Variants in GRID2 observed in about 807,000 individuals in gnomAD.
The protein encoded by GRID2 is glutamate receptor ionotropic, delta-2.
Under a neutral mutation model 114.8 loss-of-function variants are expected in GRID2, and 33 were observed. The observed-to-expected ratio is 0.29, with a 90% CI of 0.22 to 0.38. The LOEUF is 0.38. GRID2 is among the 10% of genes least tolerant of loss of function. The pLI, the probability that GRID2 is intolerant of heterozygous loss-of-function variation, is 1.00. For synonymous variants in GRID2, 505 were observed against 449.9 expected (o/e 1.12, Z -1.55); for missense variants, 1,184 against 1,257.7 (o/e 0.94, Z 0.89).
At chr4:93,489,438 A>G (rs1726754855) in intron 11 of GRID2, among the ~76,000 whole-genome samples, 1 of 151,974 alleles carries the variant, frequency 6.6e-6, no homozygotes, top group Non-Finnish European at 1.5e-5. Flanking sequence ...AAACCTTGGT[A>G]GAGATTTTTA....
chr4:93,179,797 A>C (rs552235755), intron 4 of GRID2, among the ~76,000 whole-genome samples: 1 of 152,262 alleles, frequency 6.6e-6, no homozygotes, highest in South Asian at 2.1e-4. Flanking sequence ...CAACACTACT[A>C]ATGGACACAG....
intron 2 of GRID2, among the ~76,000 whole-genome samples, chr4:92,626,823 C>T (rs745372506): frequency 2.6e-4 from 40 of 151,702 alleles, no homozygotes; most frequent in Admixed American, 9.2e-4. Flanking sequence ...AGACAGCAGA[C>T]AAAAATGAGA....
intron 2 of GRID2, among the ~76,000 whole-genome samples, chr4:92,979,815 G>T (rs897117298): frequency 1.3e-5 from 2 of 152,096 alleles, no homozygotes; most frequent in Non-Finnish European, 2.9e-5. Context: ...TACCTAGAGA[G>T]ATTTGCATTT....
intron 7 of GRID2, among the ~76,000 whole-genome samples, chr4:93,230,056 C>A (rs1745938105): frequency 6.6e-6 from 1 of 151,792 alleles, no homozygotes; most frequent in Admixed American, 6.6e-5. Flanking sequence ...ATATAGTTAG[C>A]TTTTTGTAAT....
chr4:92,369,530 A>G (rs1262449075), intron 1 of GRID2, among the ~76,000 whole-genome samples: 1 of 152,176 alleles, frequency 6.6e-6, no homozygotes, highest in African/African-American at 2.4e-5. Context: ...TGCTGACTGA[A>G]CTATGTACCT....
At chr4:93,682,082 A>G (rs1393069393) in intron 14 of GRID2, among the ~76,000 whole-genome samples, 1 of 151,806 alleles carries the variant, frequency 6.6e-6, no homozygotes, top group Non-Finnish European at 1.5e-5. Flanking sequence ...ACAAATTTAC[A>G]AGAAAATAAC....
intron 2 of GRID2, among the ~76,000 whole-genome samples, chr4:93,063,843 C>T (rs1049716603): frequency 3.3e-5 from 5 of 151,590 alleles, no homozygotes; most frequent in South Asian, 2.1e-4. Context: ...GCTGAATTTC[C>T]GTATTGATTA....
chr4:92,748,522 T>A (rs1737267214), intron 2 of GRID2, among the ~76,000 whole-genome samples: 1 of 152,024 alleles, frequency 6.6e-6, no homozygotes, highest in African/African-American at 2.4e-5. Flanking sequence ...CCTCATACTT[T>A]CACAGTATAT....
At chr4:93,134,596 G>T (rs189826008) in intron 4 of GRID2, among the ~76,000 whole-genome samples, 2 of 152,190 alleles carry the variant, frequency 1.3e-5, no homozygotes, top group Admixed American at 6.5e-5. Context: ...TTTCACAAAA[G>T]TGCTATGCTC....
At chr4:92,649,073 T>C (rs1273697075) in intron 2 of GRID2, among the ~76,000 whole-genome samples, 1 of 1,590 alleles carries the variant, frequency 6.3e-4, no homozygotes, top group Non-Finnish European at 1.7e-3. Flanking sequence ...CTAACCACTT[T>C]ACTAAAAGTT....
At chr4:93,284,941 GGTGA>G (rs1202629099) in intron 8 of GRID2, among the ~76,000 whole-genome samples, 2 of 151,948 alleles carry the variant, frequency 1.3e-5, no homozygotes, top group African/African-American at 4.8e-5. Context: ...TGAGTGGGTA[GGTGA>G]GTAAGTGAAT....
In GRID2 at chr4:92,318,788, T is replaced by C. The variant is rs534154274; in HGVS notation, c.88+14044T>C. Among the ~76,000 whole-genome samples, 6 of 152,174 alleles carry C rather than the reference T, an allele frequency of 3.9e-5. No individual in the cohort carries two copies. In the South Asian group the frequency reaches 1.0e-3, roughly 26 times the overall value. On this transcript the variant is annotated intron_variant, in intron 1 of 15. Coordinates refer to ENST00000282020, the MANE Select transcript of GRID2 (RefSeq NM_001510.4). ...ATGCCCAGCCAGCAGGACTATTAAA[T>C]AGCAAGTCAGAGAAGAATTCAGGAG... is the stretch of plus-strand genomic sequence containing the variant.
At chr4:92,776,233 C>A (rs1279474659) in intron 2 of GRID2, among the ~76,000 whole-genome samples, 1 of 151,938 alleles carries the variant, frequency 6.6e-6, no homozygotes, top group East Asian at 1.9e-4. Flanking sequence ...ATATTGGGTG[C>A]TTTTACAAGA....
chr4:93,410,810 T>A (rs1560591657), intron 9 of GRID2, among the ~76,000 whole-genome samples: 1 of 152,238 alleles, frequency 6.6e-6, no homozygotes, highest in Non-Finnish European at 1.5e-5. Flanking sequence ...CTCGAACTCC[T>A]GACCTCAGGT....
chr4:92,446,298 A>G (rs1178276500), intron 1 of GRID2, among the ~76,000 whole-genome samples: 2 of 152,120 alleles, frequency 1.3e-5, no homozygotes, highest in African/African-American at 4.8e-5. Context: ...TTGGTACCCA[A>G]ATTGAGACCC....
chr4:92,833,368 C>G (rs2149401445), intron 2 of GRID2, among the ~76,000 whole-genome samples: 1 of 152,240 alleles, frequency 6.6e-6, no homozygotes, highest in Non-Finnish European at 1.5e-5. Context: ...ATCCATAAAC[C>G]CCATCAAGGG....
At chr4:93,600,664 A>T (rs2149639004) in intron 13 of GRID2, among the ~76,000 whole-genome samples, 1 of 152,314 alleles carries the variant, frequency 6.6e-6, no homozygotes, top group South Asian at 2.1e-4. Flanking sequence ...GCAGTTTCCT[A>T]CCAAACTAAA....
chr4:92,371,219 A>C (rs1471970624), intron 1 of GRID2, among the ~76,000 whole-genome samples: 2 of 152,216 alleles, frequency 1.3e-5, no homozygotes, highest in African/African-American at 4.8e-5. Context: ...TAGAAGCTGC[A>C]GCAGGTTATC....
chr4:93,533,455 C>G (rs1295438119), intron 13 of GRID2, among the ~76,000 whole-genome samples: 2 of 149,346 alleles, frequency 1.3e-5, no homozygotes, highest in African/African-American at 4.9e-5. Flanking sequence ...CTCACTGCAA[C>G]CTCTGCCTCC....
Sources: gnomAD v4.1 joint callset for allele counts (sites outside exome capture counted in the v4.1 genomes callset) on GRCh38, gnomAD v4.1.1 for gene constraint, MANE v1.5 for transcripts, NCBI Gene and HGNC (gene_info 2026-07-23, HGNC 2026-07-21) for gene names.